The following THADA variants were observed in gnomAD, a reference collection of about 807,000 sequenced individuals.
The protein encoded by THADA is tRNA (32-2'-O)-methyltransferase regulator THADA.
THADA carries 213 observed loss-of-function variants against 219.8 expected under a neutral mutation model. That is an observed-to-expected ratio of 0.97 (90% CI 0.87 to 1.09). The LOEUF (loss-of-function observed/expected upper bound fraction) is 1.09. Ranked by LOEUF, THADA falls within the 50% of genes least tolerant of loss-of-function variation. THADA has a pLI of 0.00. For missense variants in THADA, 2,956 were observed against 2,311.3 expected, an observed-to-expected ratio of 1.28 and a Z score of -5.72; for synonymous variants, 1,018 against 828.9, an observed-to-expected ratio of 1.23 and a Z score of -3.92.
intron 30 of THADA, among the ~76,000 whole-genome samples, chr2:43,336,217 C>A (rs1256545498): frequency 1.3e-5 from 2 of 152,156 alleles, no homozygotes; most frequent in African/African-American, 4.8e-5. Flanking sequence ...TATGACCATG[C>A]CACTGCATTC....
chr2:43,546,628 C>T (rs1240504261), intron 20 of THADA, among the ~76,000 whole-genome samples: 2 of 152,062 alleles, frequency 1.3e-5, no homozygotes, highest in East Asian at 3.8e-4. Context: ...TATGTAATGG[C>T]CTTCTTTGTC....
intron 26 of THADA, among the ~76,000 whole-genome samples, chr2:43,447,582 C>T (rs999039672): frequency 6.6e-6 from 1 of 152,128 alleles, no homozygotes; most frequent in Non-Finnish European, 1.5e-5. Flanking sequence ...AGAGTTAAGG[C>T]ACTGCAAAAA....
chr2:43,480,735 G>A lies in THADA; in HGVS notation c.3836+4499C>T, dbSNP rs184770448. Among the ~76,000 whole-genome samples, 130 of 151,282 alleles carry A rather than the reference G, an allele frequency of 8.6e-4. No homozygotes were observed. The East Asian group carries it at 0.019, about 23-fold the overall frequency. ...CGGGAGGCTGAGGCAGGAGAATTGC[G>A]TGAACCCGGGAGGCAGAGGTTGCAG... On this transcript the variant is annotated intron_variant, in intron 26 of 37. Coordinates refer to ENST00000405975, the MANE Select transcript of THADA (RefSeq NM_022065.5).
Position 43,291,763 on chromosome 2 carries a change from T to A in THADA, c.4943A>T (p.Glu1648Val). 1 of 1,547,650 alleles carries A rather than the reference T, an allele frequency of 6.5e-7. No homozygotes were observed. Among genetic ancestry groups the A allele is most frequent in the Non-Finnish European group, 8.7e-7 (1 of 1,144,336 alleles). ...AAGTCTCAGAGCTACACTCTGAATT[T>A]CAGATCTAGAAAAATAAACAAACAA... is the stretch of plus-strand genomic sequence containing the variant. ...TMDIASNERS[E>V]IQSVALRLAS... The change falls in exon 34 of 38, where the codon GAA (glutamate) becomes GTA (valine). Residue 1648 changes from glutamate (E) to valine (V), a missense_variant. By Grantham distance (121) the Glu-to-Val change is moderately radical. Coordinates refer to ENST00000405975, the MANE Select transcript of THADA (RefSeq NM_022065.5).
At chr2:43,411,638 T>C (rs949150977) in intron 28 of THADA, among the ~76,000 whole-genome samples, 22 of 152,214 alleles carry the variant, frequency 1.4e-4, no homozygotes, top group African/African-American at 5.1e-4. Context: ...GTGGATTATT[T>C]TTCAATATAT....
intron 19 of THADA, 135 bp from the exon 20 acceptor site, chr2:43,549,503 G>T: frequency 1.2e-6 from 1 of 860,428 alleles, no homozygotes; most frequent in South Asian, 1.8e-5. Context: ...CTCACAAGGT[G>T]GATAATATGA....
rs533802969 is a variant in THADA at position 43,549,086 on chromosome 2, A to G, written c.3106+124T>C. On this transcript the variant is annotated intron_variant, in intron 20 of 37. Coordinates refer to ENST00000405975, the MANE Select transcript of THADA (RefSeq NM_022065.5). ...TTTCCCAAAACAAAATTTTTAAAAA[A>G]CTTTATTTTCTAGAAATGTTCTGCA... 3.2e-5 allele frequency: 30 copies of G among 950,074 alleles called. No homozygotes were observed. In the Admixed American group the frequency reaches 7.9e-4, roughly 25 times the overall value. The allele number at this position is 950,074 out of a possible 1,614,324, so 58.9% of individuals were successfully genotyped here.
At chr2:43,287,690 G>A (rs1674202523) in intron 34 of THADA, among the ~76,000 whole-genome samples, 1 of 152,148 alleles carries the variant, frequency 6.6e-6, no homozygotes, top group African/African-American at 2.4e-5. Flanking sequence ...AGACTGTCCA[G>A]CAAATAACAA....
intron 20 of THADA, among the ~76,000 whole-genome samples, chr2:43,548,140 T>C (rs1219483190): frequency 6.6e-6 from 1 of 152,226 alleles, no homozygotes; most frequent in African/African-American, 2.4e-5. Context: ...CTCCAGACCC[T>C]GTTTGCCTGG....
At chr2:43,317,782 C>G (rs560257379) in intron 31 of THADA, among the ~76,000 whole-genome samples, 4 of 152,174 alleles carry the variant, frequency 2.6e-5, no homozygotes, top group South Asian at 4.1e-4. Flanking sequence ...ACAAACACAT[C>G]TAGCGATTTT....
At chr2:43,251,969 C>G (rs908781320) in intron 36 of THADA, among the ~76,000 whole-genome samples, 1 of 152,164 alleles carries the variant, frequency 6.6e-6, no homozygotes, top group Non-Finnish European at 1.5e-5. Context: ...ATTTTCCATT[C>G]GGGGCTGTTC....
intron 26 of THADA, among the ~76,000 whole-genome samples, chr2:43,473,956 C>T (rs974176138): frequency 5.9e-5 from 9 of 152,076 alleles, no homozygotes; most frequent in Non-Finnish European, 1.2e-4. Context: ...GTAGGTTTTA[C>T]ACCAGCATCA....
intron 26 of THADA, among the ~76,000 whole-genome samples, chr2:43,474,431 C>T (rs574535203): frequency 7.5e-4 from 114 of 152,204 alleles, no homozygotes; most frequent in Non-Finnish European, 1.3e-3. Flanking sequence ...TTTAGAGTTA[C>T]GTTTACAGCC....
At chr2:43,342,499 T>C (rs1318343059) in intron 30 of THADA, among the ~76,000 whole-genome samples, 1 of 152,176 alleles carries the variant, frequency 6.6e-6, no homozygotes, top group Non-Finnish European at 1.5e-5. Context: ...CTAACTTCCT[T>C]ATGGTTCTGC....
chr2:43,298,864 T>C (rs977740660), intron 31 of THADA, among the ~76,000 whole-genome samples: 1 of 152,176 alleles, frequency 6.6e-6, no homozygotes, highest in Admixed American at 6.5e-5. Flanking sequence ...CTTCTTGACC[T>C]ACACTGCCTG....
At chr2:43,235,026 C>T (rs1221166534) in intron 36 of THADA, among the ~76,000 whole-genome samples, 1 of 151,234 alleles carries the variant, frequency 6.6e-6, no homozygotes, top group Non-Finnish European at 1.5e-5. Flanking sequence ...ATTGCCCAGG[C>T]TTGTGTGCAG....
At chr2:43,484,844 A>G (rs2105011144) in intron 26 of THADA, among the ~76,000 whole-genome samples, 1 of 152,144 alleles carries the variant, frequency 6.6e-6, no homozygotes, top group South Asian at 2.1e-4. Flanking sequence ...ATAAACATTT[A>G]AACTTCCACC....
At chr2:43,248,751 A>G (rs1669519567) in intron 36 of THADA, among the ~76,000 whole-genome samples, 1 of 152,058 alleles carries the variant, frequency 6.6e-6, no homozygotes, top group South Asian at 2.1e-4. Context: ...AATCTCCTCC[A>G]TATTTAGCCC....
rs936125874 is a variant in THADA, at chr2:43,505,735, C to T, written c.3508G>A (p.Ala1170Thr). 4.5e-6 allele frequency: 7 copies of T among 1,570,856 alleles called. No individual in the cohort carries two copies. In the African/African-American group the frequency reaches 6.7e-5, roughly 15 times the overall value. The change falls in exon 24 of 38, where the codon GCA becomes ACA. Residue 1170 changes from alanine (A) to threonine (T), a missense_variant and splice_region_variant. Ala to Thr is a moderately conservative substitution (Grantham distance 58, BLOSUM62 0). Transcript: ENST00000405975. The part of the protein sequence containing the change: ...RSAGIPFYIQ[A>T]LLASEPKKGR... Reference sequence around the variant, plus strand: ...TTCTTTGGTTCAGATGCCAACAGTGCCTATGGAAAAAGAATGCAAAAATTA... The same window carrying T: ...TTCTTTGGTTCAGATGCCAACAGTGTCTATGGAAAAAGAATGCAAAAATTA...
Sources: gnomAD v4.1 joint callset for allele counts (sites outside exome capture counted in the v4.1 genomes callset) on GRCh38, gnomAD v4.1.1 for gene constraint, MANE v1.5 for transcripts, NCBI Gene and HGNC (gene_info 2026-07-23, HGNC 2026-07-21) for gene names.